Variants in MEIS2 observed in about 807,000 individuals in gnomAD.
MEIS2 encodes homeobox protein Meis2.
A neutral mutation model predicts 58.6 loss-of-function variants in MEIS2; 9 were observed. That is an observed-to-expected ratio of 0.15 (90% confidence interval 0.09 to 0.27). The LOEUF is 0.27. Among genes scored for constraint, MEIS2 ranks in the 10% least tolerant of loss-of-function variants. The pLI is 1.00. For missense variants in MEIS2, 427 were observed against 635.0 expected, an observed-to-expected ratio of 0.67 and a Z score of 3.52; for synonymous variants, 221 against 228.4, an observed-to-expected ratio of 0.97 and a Z score of 0.29.
chr15:36,901,644 A>G (rs2056478782), intron 9 of MEIS2, among the ~76,000 whole-genome samples: 1 of 152,202 alleles, frequency 6.6e-6, no homozygotes, highest in Admixed American at 6.5e-5. Context: ...AGATTTGCCT[A>G]CACCTTTAAA....
chr15:37,069,586 C>T (rs1407645085), intron 7 of MEIS2, among the ~76,000 whole-genome samples: 1 of 152,170 alleles, frequency 6.6e-6, no homozygotes, highest in Non-Finnish European at 1.5e-5. Flanking sequence ...GCAATCCCCC[C>T]ACACATTACT....
At chr15:37,001,236 T>G (rs1403876560) in intron 8 of MEIS2, among the ~76,000 whole-genome samples, 1 of 152,180 alleles carries the variant, frequency 6.6e-6, no homozygotes. Flanking sequence ...CTCTAGCTGC[T>G]GCCATTCCTA....
intron 8 of MEIS2, among the ~76,000 whole-genome samples, chr15:37,010,439 G>T (rs565335970): frequency 6.6e-5 from 10 of 152,250 alleles, no homozygotes; most frequent in Middle Eastern, 3.4e-3. Context: ...CTGGAGTGCA[G>T]TGACATGATC....
At chr15:37,004,570 C>T (rs1374427076) in intron 8 of MEIS2, among the ~76,000 whole-genome samples, 1 of 152,224 alleles carries the variant, frequency 6.6e-6, no homozygotes, top group Non-Finnish European at 1.5e-5. Context: ...CCATGTGCCC[C>T]ATGTGCTTCA....
At chr15:36,992,790 G>A (rs919750915) in intron 8 of MEIS2, among the ~76,000 whole-genome samples, 1 of 151,952 alleles carries the variant, frequency 6.6e-6, no homozygotes, top group Admixed American at 6.6e-5. Context: ...ATGAGGAAGA[G>A]GGGGAGAGAA....
Position 37,031,815 on chromosome 15 carries a change from T to TTGTGTGTG in MEIS2, c.900+4991_900+4998dup, listed in dbSNP as rs66770353. 8.7e-3 allele frequency among the ~76,000 whole-genome samples: 1,173 copies of TTGTGTGTG among 134,188 alleles called. 7 individuals are homozygous for TTGTGTGTG. The highest frequency in any genetic ancestry group is 0.013 in the Middle Eastern group (3 of 236). 88.0% of individuals were successfully genotyped at this position (134,188 alleles called of 152,430 possible). ...GCTGCATACATAATATTACATCACTTTGTGTGTGTGTGTGTGTGTGTGTGT... is the reference window on the plus strand; with the variant it reads ...GCTGCATACATAATATTACATCACTTTGTGTGTGTGTGTGTGTGTGTGTGTGTGTGTGT... On this transcript the variant is annotated intron_variant, in intron 8 of 11. Transcript: ENST00000561208.
At chr15:36,912,871 A>T (rs1308680241) in intron 9 of MEIS2, among the ~76,000 whole-genome samples, 1 of 151,566 alleles carries the variant, frequency 6.6e-6, no homozygotes, top group Non-Finnish European at 1.5e-5. Flanking sequence ...CTAAACTGTC[A>T]AAGTGATGTC....
chr15:37,034,576 C>T (rs962750939), intron 8 of MEIS2, among the ~76,000 whole-genome samples: 2 of 152,158 alleles, frequency 1.3e-5, no homozygotes, highest in Non-Finnish European at 2.9e-5. Context: ...AATCGGTGGC[C>T]ATGGTGCATG....
chr15:37,066,842 T>C (rs1254110091), intron 7 of MEIS2, among the ~76,000 whole-genome samples: 1 of 152,002 alleles, frequency 6.6e-6, no homozygotes, highest in African/African-American at 2.4e-5. Context: ...AGTGGTGTGA[T>C]CATAGCTCAT....
intron 8 of MEIS2, among the ~76,000 whole-genome samples, chr15:36,985,732 G>A (rs2060072860): frequency 6.6e-6 from 1 of 152,138 alleles, no homozygotes; most frequent in Non-Finnish European, 1.5e-5. Context: ...GTTTGTTATA[G>A]AAAGGTCACA....
Position 36,904,303 on chromosome 15 carries a change from C to A in MEIS2, c.978-7617G>T, listed in dbSNP as rs568320487. 4.6e-3 allele frequency among the ~76,000 whole-genome samples: 694 copies of A among 152,076 alleles called. 11 individuals are homozygous for A. The highest frequency in any genetic ancestry group is 0.016 in the African/African-American group (662 of 41,466). On this transcript the variant is annotated intron_variant, in intron 9 of 11. Transcript: ENST00000561208. ...ATCTCCTTTGACGCTCACCTTTCCC[C>A]CTCCCCTTCCTCCCACCCCCACCAT...
chr15:37,054,652 C>T (rs1445807214), intron 7 of MEIS2, among the ~76,000 whole-genome samples: 1 of 152,154 alleles, frequency 6.6e-6, no homozygotes, highest in African/African-American at 2.4e-5. Context: ...CTTGTGAGCT[C>T]AAGCGATTCT....
At chr15:36,953,059 C>T (rs2141399327) in intron 8 of MEIS2, among the ~76,000 whole-genome samples, 1 of 152,122 alleles carries the variant, frequency 6.6e-6, no homozygotes, top group East Asian at 1.9e-4. Context: ...TTCCATGCCC[C>T]TTTTATACAT....
intron 2 of MEIS2, chr15:37,097,285 G>C (rs533494262): frequency 6.6e-6 from 1 of 152,378 alleles, no homozygotes; most frequent in South Asian, 2.1e-4. Flanking sequence ...AGCCGGAAGA[G>C]CTCGTGTGGT....
chr15:37,010,718 G>A (rs949102792), intron 8 of MEIS2, among the ~76,000 whole-genome samples: 14 of 152,216 alleles, frequency 9.2e-5, no homozygotes, highest in South Asian at 4.1e-4. Context: ...GCTCCTTAGC[G>A]TTATTCAGAT....
chr15:36,910,066 T>C (rs950265714), intron 9 of MEIS2, among the ~76,000 whole-genome samples: 16 of 151,964 alleles, frequency 1.1e-4, no homozygotes, highest in Non-Finnish European at 2.4e-4. Flanking sequence ...TAGTCAGGCA[T>C]GGTGGCTTGT....
chr15:36,960,030 G>A (rs554229060), intron 8 of MEIS2, among the ~76,000 whole-genome samples: 3 of 151,794 alleles, frequency 2.0e-5, no homozygotes, highest in Non-Finnish European at 2.9e-5. Context: ...AAAAGTCTAG[G>A]TGAAAAAAAT....
chr15:36,947,578 G>T (rs778473328), intron 9 of MEIS2, among the ~76,000 whole-genome samples: 1 of 151,920 alleles, frequency 6.6e-6, no homozygotes, highest in African/African-American at 2.4e-5. Flanking sequence ...AACCAGAACC[G>T]CAAGTCTTCC....
chr15:37,054,611 G>A lies in MEIS2; in HGVS notation c.755-17652C>T, dbSNP rs746114537. ...TTTAAAATGTTTCTGTAGCGATGGC[G>A]TCTCCCTATATTGCCCAGGCTTGTC... is the stretch of plus-strand genomic sequence containing the variant. On this transcript the variant is annotated intron_variant, in intron 7 of 11. Transcript: ENST00000561208. 5.9e-5 allele frequency among the ~76,000 whole-genome samples: 9 copies of A among 152,166 alleles called. No homozygotes were observed. In the South Asian group the frequency reaches 1.2e-3, roughly 21 times the overall value.
Sources: allele counts gnomAD v4.1 joint callset (sites outside exome capture counted in the v4.1 genomes callset), GRCh38; gene constraint gnomAD v4.1.1; transcripts MANE v1.5; gene names NCBI Gene and HGNC (gene_info 2026-07-23, HGNC 2026-07-21).